Variants in SEMA5B observed in about 807,000 individuals in gnomAD.
The protein encoded by SEMA5B is semaphorin-5B.
SEMA5B carries 66 observed loss-of-function variants against 135.0 expected under a neutral mutation model. The ratio of observed to expected loss-of-function variants is 0.49; its 90% CI spans 0.40 to 0.60. The LOEUF (loss-of-function observed/expected upper bound fraction) is 0.60. Among genes scored for constraint, SEMA5B ranks in the 20% least tolerant of loss-of-function variants. The probability of loss-of-function intolerance (pLI) is 0.00; values close to 1 mark genes in which losing one functional copy is unlikely to be tolerated. For synonymous variants in SEMA5B, 690 were observed against 639.5 expected (o/e 1.08, Z -1.19); for missense variants, 1,501 against 1,566.3 (o/e 0.96, Z 0.70).
rs191475077 is a variant in SEMA5B, at chr3:122,942,892, G to A, written c.428+544C>T. ...AATGTTCTGTGGTTTCATGAGGAAT[G>A]AGCTCCTCCTAGTCCACCCAGAAAG... On this transcript the variant is annotated intron_variant, in intron 4 of 22. Transcript: ENST00000357599. 1.1e-3 allele frequency among the ~76,000 whole-genome samples: 172 copies of A among 152,308 alleles called. No homozygotes were observed. In the East Asian group the frequency reaches 0.014, roughly 12 times the overall value.
At chr3:122,932,085 A>G (rs1207376297) in intron 5 of SEMA5B, among the ~76,000 whole-genome samples, 1 of 152,142 alleles carries the variant, frequency 6.6e-6, no homozygotes, top group African/African-American at 2.4e-5. Context: ...GAATCAATGA[A>G]ATATTCGTAT....
intron 9 of SEMA5B, among the ~76,000 whole-genome samples, chr3:122,924,829 A>C (rs9289211): frequency 0.51 from 77,192 of 152,006 alleles, 22,609 homozygotes; most frequent in Non-Finnish European, 0.67. Flanking sequence ...GCTTTCCCTG[A>C]TCACCACTCC....
rs556738168 is a variant in SEMA5B, at chr3:122,972,759, A to G, written c.-38-11458T>C. On this transcript the variant is annotated intron_variant, in intron 1 of 22. Coordinates refer to ENST00000357599, the MANE Select transcript of SEMA5B (RefSeq NM_001031702.4). ...TGGGTCCTTGCTACTCTTCACAACCACGATGCCATCAGATTCCCTGTGAAG... is the reference window on the plus strand; with the variant it reads ...TGGGTCCTTGCTACTCTTCACAACCGCGATGCCATCAGATTCCCTGTGAAG... Among the ~76,000 whole-genome samples, 13 of 152,292 alleles carry G rather than the reference A, an allele frequency of 8.5e-5. No homozygotes were observed. In the East Asian group the frequency reaches 2.5e-3, roughly 29 times the overall value.
intron 15 of SEMA5B, 74 bp from the exon 16 acceptor site, chr3:122,913,755 G>T: frequency 1.3e-6 from 2 of 1,581,042 alleles, no homozygotes; most frequent in South Asian, 2.3e-5. Flanking sequence ...GGGAGTGCAA[G>T]ACCGGAAAGG....
chr3:123,009,078 G>A (rs900193677), intron 1 of SEMA5B, among the ~76,000 whole-genome samples: 6 of 152,190 alleles, frequency 3.9e-5, no homozygotes, highest in African/African-American at 1.2e-4. Context: ...ACACGGACCC[G>A]GTGGACCCGT....
Position 122,910,308 on chromosome 3 carries a change from G to A in SEMA5B, c.3298-7C>T, listed in dbSNP as rs1335909113. 6.2e-7 allele frequency: 1 copy of A among 1,613,818 alleles called. No individual in the cohort carries two copies. Among genetic ancestry groups the A allele is most frequent in the Non-Finnish European group, 8.5e-7 (1 of 1,179,796 alleles). ...AGTTATTCTTGTTCAGGGTCTGTGG[G>A]TGGAAGAAGGAACCAGAGAAAGGGG... On this transcript the variant is annotated splice_polypyrimidine_tract_variant and splice_region_variant and intron_variant, in intron 22 of 22. Transcript: ENST00000357599.
At chr3:123,020,420 T>TTTAAGCATTTTAAGCA (rs1464991979) in intron 1 of SEMA5B, among the ~76,000 whole-genome samples, 2 of 152,214 alleles carry the variant, frequency 1.3e-5, no homozygotes, top group Non-Finnish European at 2.9e-5. Flanking sequence ...GTAAATGCTT[T>TTTAAGCATTTTAAGCA]TTAAGAAAAA....
intron 3 of SEMA5B, 111 bp downstream of exon 3, chr3:122,948,395 A>T: frequency 2.3e-6 from 2 of 883,626 alleles, no homozygotes; most frequent in Non-Finnish European, 1.7e-6. Context: ...CCCAGCAGTT[A>T]ATGAACATCC....
intron 1 of SEMA5B, among the ~76,000 whole-genome samples, chr3:122,966,205 G>A (rs145841112): frequency 4.4e-4 from 67 of 152,234 alleles, no homozygotes; most frequent in African/African-American, 1.4e-3. Flanking sequence ...ATGGCTCTTG[G>A]TTTGACTGCA....
At chr3:122,912,112 C>G in intron 19 of SEMA5B, 43 bp from the exon 20 acceptor site, 3 of 1,592,350 alleles carry the variant, frequency 1.9e-6, no homozygotes, top group Non-Finnish European at 1.7e-6. Flanking sequence ...CCAGGGACCC[C>G]CTGGTGGGGA....
intron 1 of SEMA5B, among the ~76,000 whole-genome samples, chr3:122,987,455 C>T (rs1941738471): frequency 6.6e-6 from 1 of 152,184 alleles, no homozygotes. Flanking sequence ...TGCAAGAGGT[C>T]CTCTCCCTCA....
intron 1 of SEMA5B, among the ~76,000 whole-genome samples, chr3:122,967,256 T>C (rs1471286943): frequency 6.6e-6 from 1 of 152,190 alleles, no homozygotes; most frequent in African/African-American, 2.4e-5. Flanking sequence ...AATTATTCAC[T>C]TTTGAATGTA....
rs369784367 is a variant in SEMA5B, at chr3:122,912,358, G to T, written c.2726-16C>A. ...GCACCCCGAACTGCAAGGGGACGGG[G>T]TGTGTGAGGGGCTGTAGGGGCAGCC... On this transcript the variant is annotated splice_polypyrimidine_tract_variant and intron_variant, in intron 18 of 22. Transcript: ENST00000357599. 6.4e-7 allele frequency: 1 copy of T among 1,566,288 alleles called. No homozygotes were observed. Among genetic ancestry groups the T allele is most frequent in the African/African-American group, 1.4e-5 (1 of 73,732 alleles).
chr3:122,921,907 C>T lies in SEMA5B; in HGVS notation c.1688+8G>A, dbSNP rs1414615846. 2.0e-6 allele frequency: 3 copies of T among 1,528,846 alleles called. No homozygotes were observed. The highest frequency in any genetic ancestry group is 2.6e-6 in the Non-Finnish European group (3 of 1,143,756). The allele number at this position is 1,528,846 out of a possible 1,614,324, so 94.7% of individuals were successfully genotyped here. ...GGAGGCCTCGGGAGCCGCCCCGTCC[C>T]GGCTTACCCCTGGCTGCGGTAGGCG... On this transcript the variant is annotated splice_region_variant and intron_variant, in intron 12 of 22. Coordinates refer to ENST00000357599, the MANE Select transcript of SEMA5B (RefSeq NM_001031702.4).
chr3:122,914,090 C>T, intron 14 of SEMA5B, 89 bp from the exon 15 acceptor site: 2 of 1,393,134 alleles, frequency 1.4e-6, no homozygotes, highest in Non-Finnish European at 9.5e-7. Flanking sequence ...GTATTTTCTA[C>T]TGCTGTCAGA....
intron 1 of SEMA5B, among the ~76,000 whole-genome samples, chr3:123,006,247 G>A (rs73859413): frequency 0.058 from 8,893 of 152,218 alleles, 738 homozygotes; most frequent in African/African-American, 0.19. Context: ...AACCAAATGA[G>A]GGGACGACAG....
At chr3:122,989,199 C>G (rs1020160022) in intron 1 of SEMA5B, among the ~76,000 whole-genome samples, 1 of 152,192 alleles carries the variant, frequency 6.6e-6, no homozygotes, top group African/African-American at 2.4e-5. Flanking sequence ...ATGAGAAGCT[C>G]CTATTGTCCA....
chr3:123,021,744 G>A (rs143590959), intron 1 of SEMA5B, among the ~76,000 whole-genome samples: 4 of 152,264 alleles, frequency 2.6e-5, no homozygotes, highest in African/African-American at 4.8e-5. Flanking sequence ...ACAGAACTGC[G>A]GTTAATCCAA....
intron 3 of SEMA5B, among the ~76,000 whole-genome samples, chr3:122,948,218 C>T (rs1939875947): frequency 6.6e-6 from 1 of 152,150 alleles, no homozygotes; most frequent in Non-Finnish European, 1.5e-5. Flanking sequence ...CCAGGGCATC[C>T]ACAACTTCCT....
Sources: gnomAD v4.1 joint callset for allele counts (sites outside exome capture counted in the v4.1 genomes callset) on GRCh38, gnomAD v4.1.1 for gene constraint, MANE v1.5 for transcripts, NCBI Gene and HGNC (gene_info 2026-07-23, HGNC 2026-07-21) for gene names.